The following DENND2A variants were observed in gnomAD, a reference collection of about 807,000 sequenced individuals.
The protein encoded by DENND2A is DENN domain-containing protein 2A.
A neutral mutation model predicts 105.3 loss-of-function variants in DENND2A; 53 were observed. That is an observed-to-expected ratio of 0.50 (90% CI 0.40 to 0.63). The LOEUF (loss-of-function observed/expected upper bound fraction) is 0.63. Ranked by LOEUF, DENND2A falls within the 30% of genes least tolerant of loss-of-function variation. DENND2A has a pLI of 0.00. For missense variants in DENND2A, 1,138 were observed against 1,279.6 expected (o/e 0.89, Z 1.69); for synonymous variants, 522 against 508.4 (o/e 1.03, Z -0.36).
intron 1 of DENND2A, among the ~76,000 whole-genome samples, chr7:140,617,591 G>A (rs1439803710): frequency 6.6e-6 from 1 of 152,062 alleles, no homozygotes; most frequent in Non-Finnish European, 1.5e-5. Flanking sequence ...GTGGGCACCT[G>A]TAATCCCAGC....
Position 140,523,415 on chromosome 7 carries a change from C to T in DENND2A, c.2557G>A (p.Glu853Lys). ...NSRFLRQMDDEDSILPRKLQV... is the reference protein window; with the variant it reads ...NSRFLRQMDDKDSILPRKLQV... The stretch of plus-strand genomic sequence containing the variant: ...AGCTTCCGGGGCAGGATGGAGTCCT[C>T]ATCGTCCATCTGGAAAGCAGAGGTA... The change falls in exon 17 of 20, where the codon GAG becomes AAG. Residue 853 changes from glutamate to lysine, a missense_variant. Glu to Lys is a moderately conservative substitution (Grantham distance 56). Transcript: ENST00000496613. The surrounding 1 kb of genome is among the most constrained non-coding windows in gnomAD (Gnocchi z 4.5). 1 of 1,614,140 alleles carries T rather than the reference C, an allele frequency of 6.2e-7. No homozygotes were observed.
rs758774823 is a variant in DENND2A at position 140,544,698 on chromosome 7, G to A, written c.2247C>T (p.Ser749=). The change falls in exon 14 of 20, where the codon TCC becomes TCT. Residue 749 remains serine, a synonymous_variant. Coordinates refer to ENST00000496613, the MANE Select transcript of DENND2A (RefSeq NM_015689.5). The part of the protein sequence containing the change: ...EHVDFESLFS[S]LSVRHLVCVF... ...CACAGACCAGGTGGCGGACGCTGAG[G>A]GAGGAGAAGAGAGACTCAAAGTCCA... 1.4e-5 allele frequency: 23 copies of A among 1,613,516 alleles called. No individual in the cohort carries two copies. Among genetic ancestry groups the A allele is most frequent in the South Asian group, 3.3e-5 (3 of 90,946 alleles).
intron 14 of DENND2A, 165 bp downstream of exon 14, chr7:140,544,453 T>G: frequency 1.2e-6 from 1 of 860,726 alleles, no homozygotes; most frequent in Non-Finnish European, 1.9e-6. Flanking sequence ...CCTCAGCCTC[T>G]CAAAGTGCTG....
chr7:140,518,667 AG>A lies in DENND2A; in HGVS notation c.*39del. ...CCACCAGGAACTGTTTTTAAAGCAT[AG>A]GGCTGCACTAGGAGGAAGTTTTCCC... On this transcript the variant is annotated 3_prime_UTR_variant, in exon 20 of 20. Coordinates refer to ENST00000496613, the MANE Select transcript of DENND2A (RefSeq NM_015689.5). 6.2e-7 allele frequency: 1 copy of A among 1,603,662 alleles called. No homozygotes were observed. Among genetic ancestry groups the A allele is most frequent in the Non-Finnish European group, 8.5e-7 (1 of 1,170,822 alleles).
intron 11 of DENND2A, 82 bp from the exon 12 acceptor site, chr7:140,555,795 A>G: frequency 8.5e-7 from 1 of 1,172,842 alleles, no homozygotes; most frequent in Non-Finnish European, 1.2e-6. Flanking sequence ...TTGCGAGACT[A>G]TCATGTGCCA....
chr7:140,589,942 A>G (rs1798941052), intron 3 of DENND2A, among the ~76,000 whole-genome samples: 3 of 152,226 alleles, frequency 2.0e-5, no homozygotes, highest in Admixed American at 1.3e-4. Context: ...ATTGGAAACA[A>G]TATTTGTATA....
intron 1 of DENND2A, among the ~76,000 whole-genome samples, chr7:140,631,889 TCG>T (rs1418158976): frequency 3.9e-5 from 6 of 152,050 alleles, no homozygotes; most frequent in African/African-American, 1.4e-4. Flanking sequence ...CTTTCTATCT[TCG>T]CGGTCACCAC....
chr7:140,567,630 T>C (rs1797920095), intron 8 of DENND2A, among the ~76,000 whole-genome samples: 2 of 152,192 alleles, frequency 1.3e-5, no homozygotes, highest in Non-Finnish European at 2.9e-5. Flanking sequence ...CTTGCCTTCA[T>C]CTGTCTGATG....
At chr7:140,598,367 T>G (rs1303626633) in intron 3 of DENND2A, among the ~76,000 whole-genome samples, 1 of 152,180 alleles carries the variant, frequency 6.6e-6, no homozygotes, top group Non-Finnish European at 1.5e-5. Context: ...TGCCTGTGAG[T>G]GAAACTCTAG....
In DENND2A at chr7:140,640,305, G is replaced by A. The variant is rs1428899605; in HGVS notation, c.-248+199C>T. 2.0e-5 allele frequency: 3 copies of A among 152,218 alleles called. No homozygotes were observed. Among genetic ancestry groups the A allele is most frequent in the Non-Finnish European group, 4.4e-5 (3 of 68,062 alleles). 9.4% of individuals were successfully genotyped at this position (152,218 alleles called of 1,614,324 possible). ...CGGGCTCAGTCCTGGGAGTCAGCCCGAGCCCGGGAGGAACGCCTGGATCGC... is the reference window on the plus strand; with the variant it reads ...CGGGCTCAGTCCTGGGAGTCAGCCCAAGCCCGGGAGGAACGCCTGGATCGC... On this transcript the variant is annotated intron_variant, in intron 1 of 19. Transcript: ENST00000496613. This position sits in a 1 kb window ranked among gnomAD's most constrained non-coding sequence, Gnocchi z 4.9.
At chr7:140,568,725 C>T (rs1210627724) in intron 8 of DENND2A, 38 bp downstream of exon 8, 1 of 1,610,280 alleles carries the variant, frequency 6.2e-7, no homozygotes, top group Non-Finnish European at 8.5e-7. Flanking sequence ...GCTTCCAAGT[C>T]ACCTGCCTGA....
At chr7:140,562,791 A>C (rs2930324) in intron 9 of DENND2A, among the ~76,000 whole-genome samples, 1 of 152,234 alleles carries the variant, frequency 6.6e-6, no homozygotes, top group Admixed American at 6.5e-5. Flanking sequence ...ATCAATCGGT[A>C]AAACACAGTC....
chr7:140,621,762 A>G (rs10458275), intron 1 of DENND2A, among the ~76,000 whole-genome samples: 52,681 of 152,056 alleles, frequency 0.35, 9,697 homozygotes, highest in African/African-American at 0.48. Flanking sequence ...TGTCTCCAAT[A>G]CAAAACACAG....
At chr7:140,641,199 G>C (rs1801193760), upstream of DENND2A, among the ~76,000 whole-genome samples, 1 of 151,690 alleles carries the variant, frequency 6.6e-6, no homozygotes, top group African/African-American at 2.4e-5. Flanking sequence ...CTCGGGCAGT[G>C]AGTCAGGCAC....
intron 3 of DENND2A, among the ~76,000 whole-genome samples, chr7:140,594,557 C>G (rs901069370): frequency 6.6e-6 from 1 of 152,226 alleles, no homozygotes; most frequent in African/African-American, 2.4e-5. Context: ...CCTCACAGCA[C>G]TGACAGGAGT....
intron 5 of DENND2A, among the ~76,000 whole-genome samples, chr7:140,579,161 C>T (rs1318127432): frequency 2.0e-5 from 3 of 151,650 alleles, no homozygotes; most frequent in Admixed American, 6.6e-5. Context: ...GGCATGGTGG[C>T]GCACGCCTGT....
At chr7:140,585,481 G>C in intron 5 of DENND2A, 108 bp downstream of exon 5, 1 of 1,481,318 alleles carries the variant, frequency 6.8e-7, no homozygotes, top group Non-Finnish European at 9.3e-7. Context: ...GAGCCCGGCA[G>C]GGCAGGTGGA....
At chr7:140,544,552 A>G (rs751419622) in intron 14 of DENND2A, 66 bp downstream of exon 14, 3 of 1,604,186 alleles carry the variant, frequency 1.9e-6, no homozygotes, top group Middle Eastern at 1.7e-4. Flanking sequence ...CACCTGCTCT[A>G]CAGACTAGAG....
At chr7:140,567,304 A>AAG (rs60964847) in intron 8 of DENND2A, 31 bp from the exon 9 acceptor site, 38,090 of 656,302 alleles carry the variant, frequency 0.058, 366 homozygotes, top group East Asian at 0.093. Context: ...GAAAGAGAGA[A>AAG]AGAGAGAGAG....
Sources: gnomAD v4.1 joint callset for allele counts (sites outside exome capture counted in the v4.1 genomes callset) on GRCh38, gnomAD v4.1.1 for gene constraint, Gnocchi (gnomAD v3.1) non-coding constraint, MANE v1.5 for transcripts, NCBI Gene and HGNC (gene_info 2026-07-23, HGNC 2026-07-21) for gene names.